Variants in AVEN observed in about 807,000 individuals in gnomAD.
AVEN encodes the protein apoptosis and caspase activation inhibitor, also known as cell death regulator Aven.
In AVEN, 41 loss-of-function variants were observed where a neutral mutation model predicts 38.1. The ratio of observed to expected loss-of-function variants is 1.08; its 90% CI spans 0.84 to 1.40. AVEN has a LOEUF of 1.40. AVEN is among the 40% of genes most tolerant of loss of function. AVEN has a pLI of 0.00. For missense variants in AVEN, 605 were observed against 438.8 expected, an observed-to-expected ratio of 1.38 and a Z score of -3.38; for synonymous variants, 206 against 171.8, an observed-to-expected ratio of 1.20 and a Z score of -1.56.
At chr15:33,896,367 C>T (rs1258593481) in intron 2 of AVEN, among the ~76,000 whole-genome samples, 1 of 152,126 alleles carries the variant, frequency 6.6e-6, no homozygotes, top group Non-Finnish European at 1.5e-5. Flanking sequence ...AATCTGGCAC[C>T]CATCGAATTC....
intron 3 of AVEN, among the ~76,000 whole-genome samples, chr15:33,873,594 C>T (rs1007074056): frequency 5.4e-5 from 8 of 146,842 alleles, no homozygotes; most frequent in African/African-American, 7.5e-5. Context: ...ATATATAATA[C>T]GTATTATATA....
Position 33,867,613 on chromosome 15 carries a change from T to C in AVEN, c.855A>G (p.Glu285=). Residue 285 remains glutamate, a synonymous_variant, in exon 5 of 6, where the codon GAA becomes GAG. Transcript: ENST00000306730. ...LQSAGDHLEE[E]LDLLLNLDAP... is the part of the protein sequence containing the mutation. ...CATCTAAATTAAGCAACAGATCTAG[T>C]TCTTCTTCCAAATGGTCTCCTGCTG... The C allele has an allele frequency of 1.2e-6, 2 of 1,614,040 alleles. No individual in the cohort carries two copies. Among genetic ancestry groups the C allele is most frequent in the Non-Finnish European group, 1.7e-6 (2 of 1,179,906 alleles).
chr15:34,039,621 G>A (rs1899379390), upstream of AVEN, among the ~76,000 whole-genome samples: 1 of 152,152 alleles, frequency 6.6e-6, no homozygotes, highest in Admixed American at 6.5e-5. Context: ...GTTTGTGTCT[G>A]GTGAGAGGTG....
chr15:33,861,288 A>G (rs115356649), downstream of AVEN: 7,837 of 714,094 alleles, frequency 0.011, 464 homozygotes, highest in African/African-American at 0.12. Flanking sequence ...AGGAACTTCC[A>G]GGAGTCCCCA....
At chr15:33,871,172 G>T (rs1281406693) in intron 3 of AVEN, 142 bp from the exon 4 acceptor site, 1 of 455,564 alleles carries the variant, frequency 2.2e-6, no homozygotes, top group Admixed American at 4.3e-5. Flanking sequence ...ATGTGTTAGA[G>T]TTTCTGCATC....
chr15:33,890,126 G>A (rs1891874232), intron 2 of AVEN, among the ~76,000 whole-genome samples: 1 of 152,094 alleles, frequency 6.6e-6, no homozygotes, highest in African/African-American at 2.4e-5. Flanking sequence ...ACATTTTTTG[G>A]TTTTCTGGTT....
intron 2 of AVEN, among the ~76,000 whole-genome samples, chr15:33,963,861 T>C (rs889321577): frequency 6.6e-6 from 1 of 151,616 alleles, no homozygotes; most frequent in South Asian, 2.1e-4. Context: ...AATAATCCTA[T>C]TTGCCCCCAG....
At chr15:33,874,259 G>A (rs143682470) in intron 3 of AVEN, among the ~76,000 whole-genome samples, 14 of 152,168 alleles carry the variant, frequency 9.2e-5, no homozygotes, top group Admixed American at 2.6e-4. Flanking sequence ...TTTTACAGGT[G>A]AAGCAATAGA....
chr15:34,022,102 C>T (rs2702285), intron 1 of AVEN, among the ~76,000 whole-genome samples: 95,345 of 152,124 alleles, frequency 0.63, 34,901 homozygotes, highest in Non-Finnish European at 0.82. Context: ...TCCTGCCACA[C>T]AATGCATGAC....
downstream of AVEN, among the ~76,000 whole-genome samples, chr15:33,863,581 G>A (rs899348614): frequency 3.3e-5 from 5 of 152,116 alleles, no homozygotes; most frequent in African/African-American, 1.2e-4. Flanking sequence ...ATGTGTCACA[G>A]ACAAACTCAA....
intron 2 of AVEN, among the ~76,000 whole-genome samples, chr15:33,917,929 A>C (rs544429465): frequency 3.5e-4 from 54 of 152,206 alleles, no homozygotes; most frequent in Non-Finnish European, 5.7e-4. Flanking sequence ...ATGTAAGCAA[A>C]CACCACCTGT....
At chr15:33,971,269 T>C (rs1181637971) in intron 2 of AVEN, among the ~76,000 whole-genome samples, 1 of 152,086 alleles carries the variant, frequency 6.6e-6, no homozygotes, top group African/African-American at 2.4e-5. Flanking sequence ...CAATTTAGAA[T>C]GTATTTCATT....
At chr15:34,049,919 A>ATTTTTTTT in intron 5 of AVEN, among the ~76,000 whole-genome samples, 1 of 143,754 alleles carries the variant, frequency 7.0e-6, no homozygotes. Context: ...ACAGGATCTC[A>ATTTTTTTT]CTCCATCACC....
chr15:33,866,446 A>T lies in AVEN; in HGVS notation c.*167T>A, dbSNP rs746780793. ...CAAATGCAACAAGCTGCTTCAATGT[A>T]TTCTTTCAGATGTCAAACACAGAGG... On this transcript the variant is annotated 3_prime_UTR_variant, in exon 6 of 6. Transcript: ENST00000306730. 47 of 600,208 alleles carry T rather than the reference A, an allele frequency of 7.8e-5. No individual in the cohort carries two copies. The highest frequency in any genetic ancestry group is 1.2e-4 in the Non-Finnish European group (42 of 337,502). The allele number at this position is 600,208 out of a possible 1,614,324, so 37.2% of individuals were successfully genotyped here.
intron 2 of AVEN, among the ~76,000 whole-genome samples, chr15:33,993,858 T>G (rs1411156229): frequency 6.6e-6 from 1 of 152,180 alleles, no homozygotes; most frequent in Non-Finnish European, 1.5e-5. Context: ...TTCCTGTGTT[T>G]GAACTTTATA....
chr15:33,869,028 T>G (rs1890823775), intron 4 of AVEN, among the ~76,000 whole-genome samples: 1 of 152,208 alleles, frequency 6.6e-6, no homozygotes, highest in African/African-American at 2.4e-5. Flanking sequence ...CAACCTCTAC[T>G]GGAGGTCCTG....
intron 1 of AVEN, among the ~76,000 whole-genome samples, chr15:34,018,046 T>C (rs1227523368): frequency 6.6e-6 from 1 of 152,218 alleles, no homozygotes; most frequent in Non-Finnish European, 1.5e-5. Context: ...TGATACTAAA[T>C]GGTTTATGTA....
chr15:34,014,486 A>G (rs1209651172), intron 1 of AVEN, among the ~76,000 whole-genome samples: 2 of 152,098 alleles, frequency 1.3e-5, no homozygotes, highest in East Asian at 1.9e-4. Context: ...AACTAGGGTA[A>G]CAAAATCAAA....
At chr15:33,879,445 T>G (rs1332058151) in intron 2 of AVEN, among the ~76,000 whole-genome samples, 1 of 150,366 alleles carries the variant, frequency 6.7e-6, no homozygotes. Flanking sequence ...GAGATATATC[T>G]AATGCTAAAT....
Sources: allele counts gnomAD v4.1 joint callset (sites outside exome capture counted in the v4.1 genomes callset), GRCh38; gene constraint gnomAD v4.1.1; transcripts MANE v1.5; gene names NCBI Gene and HGNC (gene_info 2026-07-23, HGNC 2026-07-21).